Variants in ACTN3 observed in about 807,000 individuals in gnomAD.
ACTN3 encodes the protein alpha-actinin-3.
ACTN3 carries 91 observed loss-of-function variants against 119.6 expected under a neutral mutation model. The ratio of observed to expected loss-of-function variants is 0.76; its 90% CI spans 0.64 to 0.91. ACTN3 has a LOEUF of 0.91. Among genes scored for constraint, ACTN3 ranks in the 40% least tolerant of loss-of-function variants. The pLI, the probability that ACTN3 is intolerant of heterozygous loss-of-function variation, is 0.00. For missense variants in ACTN3, 1,221 were observed against 1,215.1 expected (o/e 1.00, Z -0.07); for synonymous variants, 456 against 478.8 (o/e 0.95, Z 0.62).
At chr11:66,554,694 G>C (rs1436590756) in intron 5 of ACTN3, 71 bp downstream of exon 5, 55 of 1,260,998 alleles carry the variant, frequency 4.4e-5, no homozygotes, top group Non-Finnish European at 5.9e-5. Flanking sequence ...GCCCTCCCTG[G>C]TCAGTGAAGG....
chr11:66,554,175 G>A, intron 4 of ACTN3, 44 bp downstream of exon 4: 1 of 1,569,088 alleles, frequency 6.4e-7, no homozygotes, highest in Non-Finnish European at 8.8e-7. Context: ...CAGTGGCTGG[G>A]GCCTGTAATC....
In ACTN3 at chr11:66,560,612, C is replaced by G. The variant is rs1242394384; in HGVS notation, c.1717C>G (p.Pro573Ala). 1 of 1,613,560 alleles carries G rather than the reference C, an allele frequency of 6.2e-7. No homozygotes were observed. Among genetic ancestry groups the G allele is most frequent in the Admixed American group, 1.7e-5 (1 of 60,020 alleles). Residue 573 changes from proline to alanine, a missense_variant, in exon 15 of 21, where the codon CCC (proline) becomes GCC (alanine). By Grantham distance (27) the Pro-to-Ala change is conservative. This residue lies in a region of ACTN3 where 934 missense variants were observed against 899.9 expected (regional missense o/e 1.04). Coordinates refer to ENST00000513398, the MANE Select transcript of ACTN3 (RefSeq NM_001104.4). ...GCACGATCAGTTCAAGGCAACACTGCCCGAGGCTGACCGAGAGCGAGGTGC... is the reference window on the plus strand; with the variant it reads ...GCACGATCAGTTCAAGGCAACACTGGCCGAGGCTGACCGAGAGCGAGGTGC... ...TAHDQFKATL[P>A]EADRERGAIM...
Position 66,563,160 on chromosome 11 carries a change from C to G in ACTN3, c.2673C>G (p.Phe891Leu). The G allele has an allele frequency of 6.2e-7, 1 of 1,612,226 alleles. No homozygotes were observed. Among genetic ancestry groups the G allele is most frequent in the Non-Finnish European group, 8.5e-7 (1 of 1,179,102 alleles). The change falls in exon 21 of 21, where the codon TTC (phenylalanine) becomes TTG (leucine). Residue 891 changes from phenylalanine to leucine, a missense_variant. Physicochemically the swap from Phe to Leu is conservative, Grantham distance 22 (BLOSUM62 0). This residue lies in a region of ACTN3 where 934 missense variants were observed against 899.9 expected (regional missense o/e 1.04). Transcript: ENST00000513398. ...CTGGAGCCCTGGACTACGTGGCCTT[C>G]TCCAGTGCCCTCTATGGGGAGAGCG... ...APAGALDYVAFSSALYGESDL is the reference protein window; with the variant it reads ...APAGALDYVALSSALYGESDL
intron 1 of ACTN3, among the ~76,000 whole-genome samples, chr11:66,549,536 A>T (rs1169770912): frequency 6.6e-6 from 1 of 152,104 alleles, no homozygotes; most frequent in Admixed American, 6.5e-5. Context: ...ATTCAAGATC[A>T]GCCTGACCAA....
chr11:66,551,493 G>A (rs201498603), intron 2 of ACTN3, 35 bp from the exon 3 acceptor site: 25 of 1,605,716 alleles, frequency 1.6e-5, no homozygotes, highest in Non-Finnish European at 2.0e-5. Context: ...TGCCTCTCAT[G>A]ACCTTTGGCC....
At chr11:66,555,948 C>A (rs1857581663) in intron 7 of ACTN3, among the ~76,000 whole-genome samples, 197 bp from the exon 8 acceptor site, 2 of 152,166 alleles carry the variant, frequency 1.3e-5, no homozygotes, top group African/African-American at 4.8e-5. Flanking sequence ...TTGCTCACCC[C>A]AAGGTGGGGA....
intron 10 of ACTN3, 21 bp from the exon 11 acceptor site, chr11:66,558,006 G>A (rs755313170): frequency 1.4e-5 from 22 of 1,613,420 alleles, no homozygotes; most frequent in East Asian, 1.1e-4. Context: ...GTGATGGAGC[G>A]CACCCCTGCC....
intron 11 of ACTN3, among the ~76,000 whole-genome samples, chr11:66,558,402 G>C (rs893721355): frequency 6.6e-6 from 1 of 152,200 alleles, no homozygotes; most frequent in Admixed American, 6.5e-5. Flanking sequence ...TTTTGAGACA[G>C]AGTCTTGCTC....
At chr11:66,559,509 C>A in intron 12 of ACTN3, 123 bp downstream of exon 12, 2 of 1,030,874 alleles carry the variant, frequency 1.9e-6, no homozygotes, top group Non-Finnish European at 2.7e-6. Flanking sequence ...GTAACCCCGC[C>A]GTGGTACCCA....
intron 3 of ACTN3, 27 bp from the exon 4 acceptor site, chr11:66,554,018 A>T (rs753550325): frequency 1.2e-6 from 2 of 1,608,372 alleles, no homozygotes; most frequent in Non-Finnish European, 1.7e-6. Flanking sequence ...TGCCAGGCAA[A>T]TCTGTCCCCT....
At position 66,555,476 on chromosome 11, in the gene ACTN3, C is replaced by T. The variant is rs1857572854; in HGVS notation, c.718+109C>T. On this transcript the variant is annotated intron_variant, in intron 7 of 20. Transcript: ENST00000513398. ...CCTCCTCCTGGGATGCTCCGACCAC[C>T]CCCACCCCACTCCCTGGTCACAGTC... 1.4e-5 allele frequency: 15 copies of T among 1,053,566 alleles called. No homozygotes were observed. In the South Asian group the frequency reaches 2.2e-4, roughly 15 times the overall value. The allele number at this position is 1,053,566 out of a possible 1,614,324, so 65.3% of individuals were successfully genotyped here.
upstream of ACTN3, chr11:66,546,693 G>A (rs561360947): frequency 1.4e-5 from 22 of 1,533,816 alleles, no homozygotes; most frequent in African/African-American, 2.7e-4. Flanking sequence ...CCCCAGCAGC[G>A]GAGCAGGAAT....
rs1287010091 is a variant in ACTN3 at position 66,560,427 on chromosome 11, G to A, written c.1677+116G>A. ...GGATGGGAGGAAAACCCCAGTTCCC[G>A]AGTGCTGGGCTGGAAGACAGGAGGC... On this transcript the variant is annotated intron_variant, in intron 14 of 20. Coordinates refer to ENST00000513398, the MANE Select transcript of ACTN3 (RefSeq NM_001104.4). 1.6e-5 allele frequency: 24 copies of A among 1,483,560 alleles called. No individual in the cohort carries two copies. In the South Asian group the frequency reaches 1.8e-4, roughly 11 times the overall value. The allele number at this position is 1,483,560 out of a possible 1,614,324, so 91.9% of individuals were successfully genotyped here.
intron 1 of ACTN3, among the ~76,000 whole-genome samples, chr11:66,547,400 G>A (rs563200898): frequency 6.6e-6 from 1 of 151,378 alleles, no homozygotes; most frequent in African/African-American, 2.5e-5. Flanking sequence ...AGTTAGGGGG[G>A]GTTCAGAAAG....
Position 66,561,230 on chromosome 11 carries a change from C to T in ACTN3, c.1864C>T (p.Arg622Ter), listed in dbSNP as rs200463643. The T allele has an allele frequency of 1.4e-4, 225 of 1,564,112 alleles. No homozygotes were observed. Among genetic ancestry groups the T allele is most frequent in the South Asian group, 6.7e-4 (56 of 83,408 alleles). ...GGCATAACTGCCCTCCTCCCAGGTCCGAAAGCTGGTGCCCAGCTGTGACCA... is the reference window on the plus strand; with the variant it reads ...GGCATAACTGCCCTCCTCCCAGGTCTGAAAGCTGGTGCCCAGCTGTGACCA... Reference protein sequence around the residue: ...QDINTKWDMVRKLVPSCDQTL... With the variant: ...QDINTKWDMV The change falls in exon 16 of 21, where the codon CGA (arginine) becomes TGA (stop). Residue 622 changes from arginine to a stop codon, truncating the protein, a stop_gained. Coordinates refer to ENST00000513398, the MANE Select transcript of ACTN3 (RefSeq NM_001104.4). LOFTEE classifies it high-confidence loss of function.
intron 11 of ACTN3, 45 bp from the exon 12 acceptor site, chr11:66,559,191 C>T (rs368738759): frequency 2.8e-6 from 4 of 1,444,952 alleles, no homozygotes; most frequent in Non-Finnish European, 2.7e-6. Context: ...CGCACCCCTG[C>T]CCCTGCCGCC....
Position 66,558,209 on chromosome 11 carries a change from CTT to C in ACTN3, c.1276+36_1276+37del. 2.5e-6 allele frequency: 4 copies of C among 1,606,636 alleles called. No homozygotes were observed. In the South Asian group the frequency reaches 4.4e-5, roughly 18 times the overall value. On this transcript the variant is annotated intron_variant, in intron 11 of 20. Coordinates refer to ENST00000513398, the MANE Select transcript of ACTN3 (RefSeq NM_001104.4). The stretch of plus-strand genomic sequence containing the variant: ...CCTACCTCATGGGGCTGGACTGTCT[CTT>C]GGGGTGGAGATTGGTGTGCAGGGGC...
intron 12 of ACTN3, among the ~76,000 whole-genome samples, chr11:66,559,695 C>G (rs1287714009): frequency 2.0e-5 from 3 of 151,762 alleles, no homozygotes; most frequent in Non-Finnish European, 4.4e-5. Context: ...CTTGGCCTGG[C>G]CACCCCCTCC....
In ACTN3 at chr11:66,554,251, C is replaced by T. The variant is rs1336364195; in HGVS notation, c.469+120C>T. Reference sequence around the variant, plus strand: ...GATCGCCCAGGAGTTCAAGACCAGCCTGGACAACATGGTGAAACCCCATCT... The same window carrying T: ...GATCGCCCAGGAGTTCAAGACCAGCTTGGACAACATGGTGAAACCCCATCT... On this transcript the variant is annotated intron_variant, in intron 4 of 20. Transcript: ENST00000513398. The T allele has an allele frequency of 1.4e-5, 9 of 632,610 alleles. No homozygotes were observed. The East Asian group carries it at 2.7e-4, about 19-fold the overall frequency. The allele number at this position is 632,610 out of a possible 1,614,324, so 39.2% of individuals were successfully genotyped here.
Sources: allele counts gnomAD v4.1 joint callset (sites outside exome capture counted in the v4.1 genomes callset), GRCh38; gene constraint gnomAD v4.1.1; regional missense constraint gnomAD v4.1.1; transcripts MANE v1.5; gene names NCBI Gene and HGNC (gene_info 2026-07-23, HGNC 2026-07-21).